Variants in ATP1A1 observed in about 807,000 individuals in gnomAD.
The protein encoded by ATP1A1 is sodium/potassium-transporting ATPase subunit alpha-1.
In ATP1A1, 14 loss-of-function variants were observed where a neutral mutation model predicts 114.8. The observed-to-expected ratio is 0.12, with a 90% CI of 0.08 to 0.19. The LOEUF is 0.19. Among genes scored for constraint, ATP1A1 ranks in the 10% least tolerant of loss-of-function variants. The probability of loss-of-function intolerance (pLI) is 1.00; values close to 1 mark genes in which losing one functional copy is unlikely to be tolerated. For missense variants in ATP1A1, 524 were observed against 1,290.7 expected (o/e 0.41, Z 9.10); for synonymous variants, 471 against 466.3 (o/e 1.01, Z -0.13).
chr1:116,388,851 G>A lies in ATP1A1; in HGVS notation c.637-51G>A. ...TGATTTGAGGGGTACAGTAGCCCAT[G>A]ATAAGGCTGGTGTATTCACATGACA... On this transcript the variant is annotated intron_variant, in intron 6 of 22. Coordinates refer to ENST00000295598, the MANE Select transcript of ATP1A1 (RefSeq NM_000701.8). The surrounding 1 kb of genome is among the most constrained non-coding windows in gnomAD (Gnocchi z 5.6). 1 of 1,612,784 alleles carries A rather than the reference G, an allele frequency of 6.2e-7. No individual in the cohort carries two copies. The highest frequency in any genetic ancestry group is 2.2e-5 in the East Asian group (1 of 44,878).
Position 116,373,494 on chromosome 1 carries a change from G to C in ATP1A1, c.-18G>C, listed in dbSNP as rs1286051576. ...CTCCAGCGACAGGACCCGGCGCCGGGCACTGAGCACCGCCACCATGGGGAA... is the reference window on the plus strand; with the variant it reads ...CTCCAGCGACAGGACCCGGCGCCGGCCACTGAGCACCGCCACCATGGGGAA... On this transcript the variant is annotated 5_prime_UTR_variant, in exon 1 of 23. Coordinates refer to ENST00000295598, the MANE Select transcript of ATP1A1 (RefSeq NM_000701.8). The C allele has an allele frequency of 6.6e-7, 1 of 1,509,674 alleles. No homozygotes were observed. The highest frequency in any genetic ancestry group is 2.1e-5 in the Admixed American group (1 of 46,584). The allele number at this position is 1,509,674 out of a possible 1,614,324, so 93.5% of individuals were successfully genotyped here.
intron 1 of ATP1A1, chr1:116,374,130 G>T (rs1651192403): frequency 6.5e-7 from 1 of 1,545,514 alleles, no homozygotes; most frequent in Admixed American, 2.0e-5. Context: ...GCTCCGCGCA[G>T]AGGCGGCCGC....
chr1:116,393,878 C>G lies in ATP1A1; in HGVS notation c.1660+155C>G, dbSNP rs1652679752. On this transcript the variant is annotated intron_variant, in intron 12 of 22. Transcript: ENST00000295598. The surrounding 1 kb of genome is among the most constrained non-coding windows in gnomAD (Gnocchi z 5.0). Reference sequence around the variant, plus strand: ...AATCCTCCTATTTGTTTATTTGCCCCCTATTATTTTGAAAACAATAAGTGC... The same window carrying G: ...AATCCTCCTATTTGTTTATTTGCCCGCTATTATTTTGAAAACAATAAGTGC... Among the ~76,000 whole-genome samples the G allele has an allele frequency of 6.6e-6, 1 of 152,148 alleles. No individual in the cohort carries two copies. The highest frequency in any genetic ancestry group is 6.5e-5 in the Admixed American group (1 of 15,272).
intron 1 of ATP1A1, among the ~76,000 whole-genome samples, chr1:116,376,639 A>G (rs1463569673): frequency 1.3e-5 from 2 of 152,086 alleles, no homozygotes; most frequent in Non-Finnish European, 2.9e-5. Context: ...ACTGTTTGTT[A>G]ATTTGTAGTG....
At position 116,398,462 on chromosome 1, in the gene ATP1A1, G is replaced by A. The variant is rs1653120353; in HGVS notation, c.2125-159G>A. On this transcript the variant is annotated intron_variant, in intron 15 of 22. Transcript: ENST00000295598. This position sits in a 1 kb window ranked among gnomAD's most constrained non-coding sequence, Gnocchi z 6.1. ...AGTTCTGTTATTTGGTGTAGGGCCT[G>A]TGTGAATACTTGCCTGTGACGGTTC... Among the ~76,000 whole-genome samples the A allele has an allele frequency of 6.6e-6, 1 of 152,192 alleles. No homozygotes were observed. The highest frequency in any genetic ancestry group is 1.5e-5 in the Non-Finnish European group (1 of 68,038).
Position 116,385,648 on chromosome 1 carries a change from A to C in ATP1A1, c.183+806A>C, listed in dbSNP as rs1652029408. On this transcript the variant is annotated intron_variant, in intron 3 of 22. Coordinates refer to ENST00000295598, the MANE Select transcript of ATP1A1 (RefSeq NM_000701.8). The surrounding 1 kb of genome is among the most constrained non-coding windows in gnomAD (Gnocchi z 4.3). ...TTAGACCTCAGTGGCAGGCTTCAAG[A>C]AACAGGATCTCTCTCCTGCCCTCCT... 1 of 152,200 alleles carries C rather than the reference A, an allele frequency of 6.6e-6. No homozygotes were observed. Among genetic ancestry groups the C allele is most frequent in the African/African-American group, 2.4e-5 (1 of 41,438 alleles). The allele number at this position is 152,200 out of a possible 1,614,324, so 9.4% of individuals were successfully genotyped here.
rs1411388904 is a variant in ATP1A1 at position 116,393,334 on chromosome 1, A to C, written c.1468-197A>C. 6.7e-6 allele frequency among the ~76,000 whole-genome samples: 1 copy of C among 148,432 alleles called. No homozygotes were observed. The highest frequency in any genetic ancestry group is 6.6e-5 in the Admixed American group (1 of 15,180). ...GTGAACAAATGTCAGGAATTTATGA[A>C]TATATCATAGTGCTCATTTTTTTTT... On this transcript the variant is annotated intron_variant, in intron 11 of 22. Transcript: ENST00000295598. The surrounding 1 kb of genome is among the most constrained non-coding windows in gnomAD (Gnocchi z 5.0).
At chr1:116,374,551 C>G (rs993050093) in intron 1 of ATP1A1, among the ~76,000 whole-genome samples, 1 of 152,174 alleles carries the variant, frequency 6.6e-6, no homozygotes, top group African/African-American at 2.4e-5. Flanking sequence ...GTGGGAATAT[C>G]GTCACAACGC....
chr1:116,391,029 T>G (rs1451307572), intron 10 of ATP1A1, 138 bp downstream of exon 10: 4 of 670,356 alleles, frequency 6.0e-6, no homozygotes, highest in South Asian at 1.9e-5. Context: ...GTGCAGTACT[T>G]TGCTGTGTGT....
In ATP1A1 at chr1:116,393,417, A is replaced by C; in HGVS notation, c.1468-114A>C. 8.4e-7 allele frequency: 1 copy of C among 1,192,116 alleles called. No individual in the cohort carries two copies. Among genetic ancestry groups the C allele is most frequent in the Non-Finnish European group, 1.2e-6 (1 of 853,710 alleles). 73.8% of individuals were successfully genotyped at this position (1,192,116 alleles called of 1,614,324 possible). A position where few individuals can be genotyped will look rare whatever the true frequency, so the allele number is the denominator to read the frequency against. The stretch of plus-strand genomic sequence containing the variant: ...TAAGATACTTCAGAGTTCAGAAAGA[A>C]GGGATCTTGGGTCTTTTATAGCAAA... On this transcript the variant is annotated intron_variant, in intron 11 of 22. Transcript: ENST00000295598. The surrounding 1 kb of genome is among the most constrained non-coding windows in gnomAD (Gnocchi z 5.0).
chr1:116,373,369 C>CT lies in ATP1A1; in HGVS notation c.-142dup. 32 of 485,888 alleles carry CT rather than the reference C, an allele frequency of 6.6e-5. No homozygotes were observed. The highest frequency in any genetic ancestry group is 9.7e-5 in the Non-Finnish European group (29 of 299,812). The allele number at this position is 485,888 out of a possible 1,614,324, so 30.1% of individuals were successfully genotyped here. A position where few individuals can be genotyped will look rare whatever the true frequency, so the allele number is the denominator to read the frequency against. On this transcript the variant is annotated 5_prime_UTR_variant, in exon 1 of 23. Transcript: ENST00000295598. ...GCATCGGCCCGAGCCGCCGGCCGCC[C>CT]TCCCACCCTCCCGCCCCGCGGCAGC... is the stretch of plus-strand genomic sequence containing the variant.
chr1:116,397,849 T>C lies in ATP1A1; in HGVS notation c.1974-39T>C. ...AGGTGATGGACACATGCTGGTGATG[T>C]GATGCGTGACTTTTTTTTTTTTTTT... On this transcript the variant is annotated intron_variant, in intron 14 of 22. Transcript: ENST00000295598. The surrounding 1 kb of genome is among the most constrained non-coding windows in gnomAD (Gnocchi z 4.2). 2 of 1,595,936 alleles carry C rather than the reference T, an allele frequency of 1.3e-6. No homozygotes were observed. Among genetic ancestry groups the C allele is most frequent in the East Asian group, 2.2e-5 (1 of 44,790 alleles).
chr1:116,399,312 C>G lies in ATP1A1; in HGVS notation c.2449-108C>G. 1 of 1,459,140 alleles carries G rather than the reference C, an allele frequency of 6.9e-7. No homozygotes were observed. Among genetic ancestry groups the G allele is most frequent in the Non-Finnish European group, 9.3e-7 (1 of 1,076,752 alleles). 90.4% of individuals were successfully genotyped at this position (1,459,140 alleles called of 1,614,324 possible). A position where few individuals can be genotyped will look rare whatever the true frequency, so the allele number is the denominator to read the frequency against. On this transcript the variant is annotated intron_variant, in intron 17 of 22. Coordinates refer to ENST00000295598, the MANE Select transcript of ATP1A1 (RefSeq NM_000701.8). This position sits in a 1 kb window ranked among gnomAD's most constrained non-coding sequence, Gnocchi z 5.0. Reference sequence around the variant, plus strand: ...TGGGAATCTTTATTTTTGTATACTTCACCTAAAAGATTTTTAAATGGGAGG... The same window carrying G: ...TGGGAATCTTTATTTTTGTATACTTGACCTAAAAGATTTTTAAATGGGAGG...
At chr1:116,375,972 A>G (rs532882051) in intron 1 of ATP1A1, among the ~76,000 whole-genome samples, 1 of 152,348 alleles carries the variant, frequency 6.6e-6, no homozygotes, top group South Asian at 2.1e-4. Flanking sequence ...CTCTTGCTGA[A>G]TCATTCCTGG....
In ATP1A1 at chr1:116,373,521, G is replaced by C. The variant is rs1307008508; in HGVS notation, c.10G>C (p.Gly4Arg). 8 of 1,476,976 alleles carry C rather than the reference G, an allele frequency of 5.4e-6. No individual in the cohort carries two copies. Among genetic ancestry groups the C allele is most frequent in the African/African-American group, 1.5e-5 (1 of 67,310 alleles). 91.5% of individuals were successfully genotyped at this position (1,476,976 alleles called of 1,614,324 possible). Residue 4 changes from glycine (G) to arginine (R), a missense_variant and splice_region_variant, in exon 1 of 23, where the codon GGG becomes CGG. Gly to Arg is a moderately radical substitution (Grantham distance 125). Transcript: ENST00000295598. MGK[G>R]VGRDKYEPAA... Reference sequence around the variant, plus strand: ...ACTGAGCACCGCCACCATGGGGAAGGGGGTGAGTGTCCGGCGCGCCCGGGG... The same window carrying C: ...ACTGAGCACCGCCACCATGGGGAAGCGGGTGAGTGTCCGGCGCGCCCGGGG...
chr1:116,373,246 A>G lies in ATP1A1; in HGVS notation c.-266A>G, dbSNP rs985180202. 2.2e-5 allele frequency: 8 copies of G among 359,506 alleles called. No individual in the cohort carries two copies. The highest frequency in any genetic ancestry group is 1.7e-4 in the African/African-American group (8 of 46,840). The allele number at this position is 359,506 out of a possible 1,614,324, so 22.3% of individuals were successfully genotyped here. ...GAAGTGAGGAGGAGGCGCGGGCTGG[A>G]GCTGCGGCGGGGTCTGGGGCGCAGA... On this transcript the variant is annotated 5_prime_UTR_variant, in exon 1 of 23. Coordinates refer to ENST00000295598, the MANE Select transcript of ATP1A1 (RefSeq NM_000701.8).
intron 1 of ATP1A1, chr1:116,374,091 C>G (rs1057147704): frequency 1.4e-6 from 2 of 1,443,078 alleles, no homozygotes; most frequent in Non-Finnish European, 1.8e-6. Flanking sequence ...TTCGGGGCTC[C>G]TTCTCCTGGG....
In ATP1A1 at chr1:116,396,640, A is replaced by G. The variant is rs921744874; in HGVS notation, c.1879A>G (p.Ile627Val). The G allele has an allele frequency of 6.2e-7, 1 of 1,613,812 alleles. No homozygotes were observed. Among genetic ancestry groups the G allele is most frequent in the Non-Finnish European group, 8.5e-7 (1 of 1,179,846 alleles). ...TGDHPITAKA[I>V]AKGVGIISEG... ...AGACCATCCAATCACAGCTAAAGCT[A>G]TTGCCAAAGGTGTGGGCATCATCTC... Residue 627 changes from isoleucine to valine, a missense_variant, in exon 14 of 23, where the codon ATT becomes GTT. This residue lies in a region of ATP1A1 where 12 missense variants were observed against 63.1 expected (regional missense o/e 0.19). Coordinates refer to ENST00000295598, the MANE Select transcript of ATP1A1 (RefSeq NM_000701.8).
intron 10 of ATP1A1, chr1:116,392,653 G>A (rs886973999): frequency 1.9e-6 from 1 of 519,078 alleles, no homozygotes. Context: ...GGACGTTGGG[G>A]TTTGAGTCTG....
Sources: allele counts gnomAD v4.1 joint callset (sites outside exome capture counted in the v4.1 genomes callset), GRCh38; gene constraint gnomAD v4.1.1; regional missense constraint gnomAD v4.1.1; non-coding constraint Gnocchi (gnomAD v3.1); transcripts MANE v1.5; gene names NCBI Gene and HGNC (gene_info 2026-07-23, HGNC 2026-07-21).